NLGN1: variants seen among roughly 807,000 people sequenced by gnomAD.
The protein encoded by NLGN1 is neuroligin 1, also known as neuroligin-1.
NLGN1 carries 12 observed loss-of-function variants against 65.5 expected under a neutral mutation model. That is an observed-to-expected ratio of 0.18 (90% CI 0.12 to 0.30). The LOEUF is 0.30. Ranked by LOEUF, NLGN1 falls within the 10% of genes least tolerant of loss-of-function variation. NLGN1 has a pLI of 1.00. For missense variants in NLGN1, 750 were observed against 1,007.1 expected (o/e 0.74, Z 3.46); for synonymous variants, 350 against 359.5 (o/e 0.97, Z 0.30).
At chr3:173,472,471 CAG>C (rs1225306498) in intron 2 of NLGN1, among the ~76,000 whole-genome samples, 1 of 151,702 alleles carries the variant, frequency 6.6e-6, no homozygotes, top group Non-Finnish European at 1.5e-5. Context: ...GTACAATTTG[CAG>C]AGTTAGAAAT....
At chr3:173,830,132 T>A (rs1202610528) in intron 4 of NLGN1, among the ~76,000 whole-genome samples, 1 of 152,140 alleles carries the variant, frequency 6.6e-6, no homozygotes, top group Non-Finnish European at 1.5e-5. Context: ...CTTTTTAATA[T>A]AGCAATCTAT....
chr3:173,595,849 A>G (rs1333203305), intron 2 of NLGN1, among the ~76,000 whole-genome samples: 1 of 152,162 alleles, frequency 6.6e-6, no homozygotes, highest in Non-Finnish European at 1.5e-5. Context: ...ATCAGATCTC[A>G]TAAGACTTAT....
At chr3:173,943,608 A>G (rs554994574) in intron 4 of NLGN1, among the ~76,000 whole-genome samples, 1 of 152,328 alleles carries the variant, frequency 6.6e-6, no homozygotes, top group East Asian at 1.9e-4. Context: ...AGACTTGATA[A>G]TGAATCAATG....
chr3:173,530,093 T>G (rs1043901526), intron 2 of NLGN1, among the ~76,000 whole-genome samples: 2 of 152,014 alleles, frequency 1.3e-5, no homozygotes, highest in African/African-American at 2.4e-5. Flanking sequence ...GAGTAGCTGG[T>G]ACAGTTACAC....
intron 3 of NLGN1, among the ~76,000 whole-genome samples, chr3:173,635,544 T>C (rs2149562383): frequency 6.6e-6 from 1 of 152,314 alleles, no homozygotes; most frequent in Middle Eastern, 3.4e-3. Context: ...TAACTGTATT[T>C]CCAGAAGAAA....
intron 4 of NLGN1, among the ~76,000 whole-genome samples, chr3:174,050,779 A>C (rs969945801): frequency 6.6e-6 from 1 of 152,034 alleles, no homozygotes; most frequent in Non-Finnish European, 1.5e-5. Flanking sequence ...TTTTAAGATT[A>C]AAGTGAACAT....
chr3:173,484,649 TATATCTATGAAA>T (rs1479723006), intron 2 of NLGN1, among the ~76,000 whole-genome samples: 2 of 152,108 alleles, frequency 1.3e-5, no homozygotes, highest in African/African-American at 4.8e-5. Context: ...CATAGGCCAA[TATATCTATGAAA>T]AGATATTTAA....
chr3:173,779,485 C>CT (rs1482304797), intron 3 of NLGN1, among the ~76,000 whole-genome samples: 1 of 150,762 alleles, frequency 6.6e-6, no homozygotes, highest in Non-Finnish European at 1.5e-5. Flanking sequence ...TTTTACTCTC[C>CT]CTTATTTATT....
intron 4 of NLGN1, among the ~76,000 whole-genome samples, chr3:173,853,946 G>A (rs1422235796): frequency 1.3e-5 from 2 of 151,736 alleles, no homozygotes; most frequent in Non-Finnish European, 2.9e-5. Context: ...CTTGTTTTAT[G>A]CAATTGATAT....
chr3:173,868,052 C>T (rs1183395841), intron 4 of NLGN1, among the ~76,000 whole-genome samples: 2 of 152,146 alleles, frequency 1.3e-5, no homozygotes, highest in Admixed American at 6.6e-5. Context: ...AAACCTGTAA[C>T]TTTTAAATAT....
chr3:174,000,547 G>C (rs142120106), intron 4 of NLGN1, among the ~76,000 whole-genome samples: 20 of 152,190 alleles, frequency 1.3e-4, no homozygotes, highest in Non-Finnish European at 2.5e-4. Context: ...AGGTAACAGA[G>C]AGCCATAGTT....
At chr3:174,290,428 CCAGA>C (rs930666183), downstream of NLGN1, among the ~76,000 whole-genome samples, 63 of 150,834 alleles carry the variant, frequency 4.2e-4, no homozygotes, top group African/African-American at 1.3e-3. Flanking sequence ...AAAATCAATC[CCAGA>C]CAAATTAAAA....
intron 4 of NLGN1, among the ~76,000 whole-genome samples, chr3:174,229,884 G>T (rs1048937357): frequency 2.6e-5 from 4 of 152,146 alleles, no homozygotes; most frequent in Admixed American, 2.0e-4. Flanking sequence ...CCACTTCTGT[G>T]TGAATAGAAT....
chr3:173,575,919 A>G (rs1394378450), intron 2 of NLGN1, among the ~76,000 whole-genome samples: 2 of 152,150 alleles, frequency 1.3e-5, no homozygotes, highest in Admixed American at 6.5e-5. Flanking sequence ...GGAATAATAT[A>G]TAAAATTTTC....
intron 2 of NLGN1, among the ~76,000 whole-genome samples, chr3:173,541,545 G>T (rs968914385): frequency 3.3e-5 from 5 of 152,096 alleles, no homozygotes; most frequent in African/African-American, 1.2e-4. Context: ...GTTTGAAATT[G>T]TAAAGGTATC....
chr3:173,867,534 G>T (rs1730395502), intron 4 of NLGN1, among the ~76,000 whole-genome samples: 1 of 152,120 alleles, frequency 6.6e-6, no homozygotes, highest in African/African-American at 2.4e-5. Flanking sequence ...TTTTCCATAA[G>T]TCAAATAACT....
intron 4 of NLGN1, among the ~76,000 whole-genome samples, chr3:174,266,577 A>C (rs954745804): frequency 6.6e-6 from 1 of 152,140 alleles, no homozygotes; most frequent in African/African-American, 2.4e-5. Flanking sequence ...TATACCCGGT[A>C]GTGGGATTGC....
intron 3 of NLGN1, among the ~76,000 whole-genome samples, chr3:173,697,852 T>A (rs1766465473): frequency 6.6e-6 from 1 of 152,182 alleles, no homozygotes; most frequent in African/African-American, 2.4e-5. Flanking sequence ...TTCAATCTAA[T>A]ATTATTTTTA....
intron 4 of NLGN1, among the ~76,000 whole-genome samples, chr3:173,988,513 G>A (rs968983261): frequency 6.6e-6 from 1 of 152,124 alleles, no homozygotes; most frequent in African/African-American, 2.4e-5. Context: ...AAGGAAGATA[G>A]CAGGTTGCTC....
Sources: allele counts gnomAD v4.1 joint callset (sites outside exome capture counted in the v4.1 genomes callset), GRCh38; gene constraint gnomAD v4.1.1; transcripts MANE v1.5; gene names NCBI Gene and HGNC (gene_info 2026-07-23, HGNC 2026-07-21).